Variants in SAP130 observed in about 807,000 individuals in gnomAD.
The protein encoded by SAP130 is histone deacetylase complex subunit SAP130.
A neutral mutation model predicts 103.2 loss-of-function variants in SAP130; 16 were observed. The ratio of observed to expected loss-of-function variants is 0.16; its 90% confidence interval spans 0.10 to 0.24. SAP130 has a LOEUF of 0.24. SAP130 is among the 10% of genes least tolerant of loss of function. The pLI is 1.00. For synonymous variants in SAP130, 477 were observed against 497.0 expected, an observed-to-expected ratio of 0.96 and a Z score of 0.53; for missense variants, 990 against 1,359.7, an observed-to-expected ratio of 0.73 and a Z score of 4.28.
intron 3 of SAP130, among the ~76,000 whole-genome samples, chr2:128,016,923 C>A (rs1684827674): frequency 6.6e-6 from 1 of 152,218 alleles, no homozygotes; most frequent in South Asian, 2.1e-4. Flanking sequence ...AGGTAATACA[C>A]AGGCAATATT....
intron 15 of SAP130, among the ~76,000 whole-genome samples, chr2:127,966,234 T>G (rs1012036398): frequency 6.6e-6 from 1 of 151,848 alleles, no homozygotes; most frequent in Non-Finnish European, 1.5e-5. Context: ...TCCCAGCTAC[T>G]CAGGAGGCTG....
intron 5 of SAP130, among the ~76,000 whole-genome samples, chr2:128,014,399 GCCTCCTGAGTGCCATCCTCCCA>G (rs1214603525): frequency 1.4e-4 from 12 of 85,982 alleles, no homozygotes; most frequent in Non-Finnish European, 2.7e-4. Flanking sequence ...TCCTATCTCA[GCCTCCTGAGTGCCATCCTCCCA>G]TCTCAGCCTC....
Position 127,989,622 on chromosome 2 carries a change from T to C in SAP130, c.1722A>G (p.Gln574=), listed in dbSNP as rs1376187502. The C allele has an allele frequency of 6.2e-7, 1 of 1,614,200 alleles. No homozygotes were observed. The highest frequency in any genetic ancestry group is 1.7e-5 in the Admixed American group (1 of 60,024). Residue 574 remains glutamine (Q), a synonymous_variant, in exon 13 of 21, where the codon CAA becomes CAG. Transcript: ENST00000643581. This position sits in a 1 kb window ranked among gnomAD's most constrained non-coding sequence, Gnocchi z 4.6. ...TACCCATAGGTGCAGGCTGAAGCCCTTGTGTGTTGATTGGGGTTGCTGAGT... is the reference window on the plus strand; with the variant it reads ...TACCCATAGGTGCAGGCTGAAGCCCCTGTGTGTTGATTGGGGTTGCTGAGT... ...GIHSATPINT[Q]GLQPAPMGTQ...
chr2:127,992,366 C>T (rs190554520), intron 12 of SAP130, among the ~76,000 whole-genome samples: 173 of 151,980 alleles, frequency 1.1e-3, no homozygotes, highest in Middle Eastern at 0.01. Flanking sequence ...CTGCAGCCTC[C>T]GCCTCCCAAG....
chr2:127,958,652 GAGAGAGAGAGA>G (rs1680017103), intron 15 of SAP130, among the ~76,000 whole-genome samples: 1 of 133,078 alleles, frequency 7.5e-6, no homozygotes, highest in Non-Finnish European at 1.6e-5. Context: ...GAGAGAGAGA[GAGAGAGAGAGA>G]GAGAGAGAGA....
intron 7 of SAP130, among the ~76,000 whole-genome samples, chr2:128,005,110 G>C (rs1357563749): frequency 2.6e-5 from 4 of 152,078 alleles, no homozygotes; most frequent in Admixed American, 6.5e-5. Context: ...ACAAAGCAAA[G>C]ACATAAGAAC....
intron 12 of SAP130, among the ~76,000 whole-genome samples, chr2:127,991,048 A>G (rs1306900198): frequency 1.3e-5 from 2 of 152,046 alleles, no homozygotes; most frequent in East Asian, 3.9e-4. Context: ...GCAGGAGTTC[A>G]AAACCAGCCT....
At position 127,978,010 on chromosome 2, in the gene SAP130, T is replaced by C. The variant is rs1168241766; in HGVS notation, c.2038A>G (p.Thr680Ala). 6.4e-7 allele frequency: 1 copy of C among 1,551,874 alleles called. No individual in the cohort carries two copies. The highest frequency in any genetic ancestry group is 2.4e-5 in the East Asian group (1 of 40,932). Residue 680 changes from threonine to alanine, a missense_variant, in exon 15 of 21, where the codon ACG (threonine) becomes GCG (alanine). Around this residue, in one of 6 missense-constraint regions of SAP130, gnomAD observed 349 missense variants for 384.1 expected, o/e 0.91. Transcript: ENST00000643581. ...CCTGCAGGCCTAGGTGACCCAGACGTACTCCGCATAGAGCTTTCCACTCGA... is the reference window on the plus strand; with the variant it reads ...CCTGCAGGCCTAGGTGACCCAGACGCACTCCGCATAGAGCTTTCCACTCGA... ...SPRVESSMRS[T>A]SGSPRPAGAK...
chr2:127,961,704 C>T (rs575568335), intron 15 of SAP130, among the ~76,000 whole-genome samples: 85 of 152,236 alleles, frequency 5.6e-4, no homozygotes, highest in African/African-American at 1.9e-3. Context: ...GCACGCACTT[C>T]CCCAGGCTCC....
Position 127,978,034 on chromosome 2 carries a change from G to A in SAP130, c.2014C>T (p.Arg672Ter). Reference protein sequence around the residue: ...PPQPPDVASPRVESSMRSTSG... With the variant: ...PPQPPDVASP ...GTACTCCGCATAGAGCTTTCCACTC[G>A]AGGACTAGCAACATCAGGAGGCTGA... Residue 672 changes from arginine to a stop codon, truncating the protein, a stop_gained, in exon 15 of 21, where the codon CGA becomes TGA. Coordinates refer to ENST00000643581, the MANE Select transcript of SAP130 (RefSeq NM_001330301.2). LOFTEE classifies it high-confidence loss of function. 2 of 1,551,958 alleles carry A rather than the reference G, an allele frequency of 1.3e-6. No individual in the cohort carries two copies. Among genetic ancestry groups the A allele is most frequent in the South Asian group, 1.2e-5 (1 of 84,062 alleles).
intron 18 of SAP130, among the ~76,000 whole-genome samples, chr2:127,948,631 C>T (rs983692087): frequency 2.0e-5 from 3 of 152,014 alleles, no homozygotes; most frequent in South Asian, 2.1e-4. Context: ...CGTGAATCAC[C>T]GCGCCTGGCC....
At chr2:127,979,654 C>T (rs1681721456) in intron 14 of SAP130, among the ~76,000 whole-genome samples, 1 of 152,012 alleles carries the variant, frequency 6.6e-6, no homozygotes, top group African/African-American at 2.4e-5. Context: ...CAATGACTGG[C>T]TATTTGATAT....
At chr2:127,945,360 C>A (rs2104853452) in intron 19 of SAP130, 96 bp downstream of exon 19, 1 of 727,182 alleles carries the variant, frequency 1.4e-6, no homozygotes, top group Non-Finnish European at 2.5e-6. Flanking sequence ...GCTGGGAATG[C>A]TTCAGAGTTA....
At chr2:127,993,434 CCAAA>C (rs1031498670) in intron 11 of SAP130, 126 bp from the exon 12 acceptor site, 14 of 1,009,958 alleles carry the variant, frequency 1.4e-5, no homozygotes, top group Non-Finnish European at 1.9e-5. Flanking sequence ...AAATTGTGTC[CCAAA>C]CAAACTCTTA....
At chr2:128,017,148 G>A (rs1039146761) in intron 3 of SAP130, among the ~76,000 whole-genome samples, 1 of 152,018 alleles carries the variant, frequency 6.6e-6, no homozygotes, top group African/African-American at 2.4e-5. Context: ...ATGGTGAAAC[G>A]CCATCTCTAC....
At chr2:127,966,771 T>C (rs1680690839) in intron 15 of SAP130, among the ~76,000 whole-genome samples, 1 of 152,192 alleles carries the variant, frequency 6.6e-6, no homozygotes, top group Non-Finnish European at 1.5e-5. Context: ...TCTGATAAGA[T>C]TTCAATTTGT....
chr2:127,961,831 G>A (rs906086123), intron 15 of SAP130, among the ~76,000 whole-genome samples: 1 of 151,684 alleles, frequency 6.6e-6, no homozygotes, highest in Non-Finnish European at 1.5e-5. Context: ...TTTGGGGAAC[G>A]TGAGGGTGGC....
intron 15 of SAP130, among the ~76,000 whole-genome samples, chr2:127,964,291 C>T (rs1378165461): frequency 2.0e-5 from 3 of 151,786 alleles, no homozygotes; most frequent in South Asian, 2.1e-4. Context: ...GTCAGGAGTT[C>T]GAGACCAGCC....
chr2:127,976,262 C>T (rs1173157574), intron 15 of SAP130, among the ~76,000 whole-genome samples: 1 of 152,220 alleles, frequency 6.6e-6, no homozygotes, highest in East Asian at 1.9e-4. Context: ...GAGCACATGG[C>T]TTATTCCTTC....
Sources: gnomAD v4.1 joint callset for allele counts (sites outside exome capture counted in the v4.1 genomes callset) on GRCh38, gnomAD v4.1.1 for gene constraint, gnomAD v4.1.1 regional missense constraint, Gnocchi (gnomAD v3.1) non-coding constraint, MANE v1.5 for transcripts, NCBI Gene and HGNC (gene_info 2026-07-23, HGNC 2026-07-21) for gene names.